Variants in PPIG observed in about 807,000 individuals in gnomAD.
The protein encoded by PPIG is peptidyl-prolyl cis-trans isomerase G.
In PPIG, 26 loss-of-function variants were observed where a neutral mutation model predicts 87.9. That is an observed-to-expected ratio of 0.30 (90% CI 0.22 to 0.41). PPIG has a LOEUF of 0.41. PPIG is among the 10% of genes least tolerant of loss of function. PPIG has a pLI of 1.00. For synonymous variants in PPIG, 308 were observed against 276.5 expected, an observed-to-expected ratio of 1.11 and a Z score of -1.13; for missense variants, 722 against 879.4, an observed-to-expected ratio of 0.82 and a Z score of 2.26.
At chr2:169,622,175 C>G (rs1054690772) in intron 9 of PPIG, among the ~76,000 whole-genome samples, 3 of 152,030 alleles carry the variant, frequency 2.0e-5, no homozygotes, top group Non-Finnish European at 4.4e-5. Context: ...AATCCCAACA[C>G]CTTGGGAGGC....
chr2:169,584,854 TTGA>T, intron 1 of PPIG: 1 of 275,966 alleles, frequency 3.6e-6, no homozygotes, highest in Non-Finnish European at 7.1e-6. Context: ...GGGAGCCGGG[TTGA>T]TTTTTAAAGC....
chr2:169,610,654 T>G (rs1037907013), intron 7 of PPIG, among the ~76,000 whole-genome samples: 1 of 152,214 alleles, frequency 6.6e-6, no homozygotes, highest in Non-Finnish European at 1.5e-5. Flanking sequence ...TTCCAGTTTA[T>G]CTTCCTGTAT....
At chr2:169,615,179 G>A (rs1041805092) in intron 9 of PPIG, among the ~76,000 whole-genome samples, 21 of 152,072 alleles carry the variant, frequency 1.4e-4, no homozygotes, top group African/African-American at 5.1e-4. Flanking sequence ...CTCCCAAGTA[G>A]CTGGGACTAC....
intron 6 of PPIG, 96 bp from the exon 7 acceptor site, chr2:169,608,575 G>A (rs917402321): frequency 1.6e-6 from 1 of 623,540 alleles, no homozygotes; most frequent in Non-Finnish European, 2.9e-6. Context: ...AGTTGTGTGT[G>A]GCACTAAATA....
intron 7 of PPIG, among the ~76,000 whole-genome samples, chr2:169,609,297 C>G (rs759356279): frequency 2.6e-5 from 4 of 151,936 alleles, no homozygotes; most frequent in African/African-American, 4.8e-5. Flanking sequence ...CAGCCTCGAC[C>G]TCCCTGGCTC....
At position 169,614,566 on chromosome 2, in the gene PPIG, T is replaced by A; in HGVS notation, c.408-19T>A. The A allele has an allele frequency of 6.3e-7, 1 of 1,582,972 alleles. No individual in the cohort carries two copies. The highest frequency in any genetic ancestry group is 8.5e-7 in the Non-Finnish European group (1 of 1,170,314). Reference sequence around the variant, plus strand: ...AAATAAAAAGCTTTTATTTAATAATTTTTTACTTGACACTTTAGGCATCAT... The same window carrying A: ...AAATAAAAAGCTTTTATTTAATAATATTTTACTTGACACTTTAGGCATCAT... On this transcript the variant is annotated intron_variant, in intron 8 of 13. Coordinates refer to ENST00000260970, the MANE Select transcript of PPIG (RefSeq NM_004792.3).
intron 1 of PPIG, chr2:169,584,772 C>G (rs1684651880): frequency 3.3e-6 from 1 of 307,172 alleles, no homozygotes; most frequent in East Asian, 1.3e-4. Flanking sequence ...CACTCAGGCG[C>G]ACACCTCCCT....
intron 9 of PPIG, among the ~76,000 whole-genome samples, chr2:169,621,891 A>G (rs1012892728): frequency 8.6e-5 from 13 of 151,588 alleles, no homozygotes; most frequent in African/African-American, 3.2e-4. Context: ...CAGGAGTTTC[A>G]GACCAGCCTG....
intron 1 of PPIG, among the ~76,000 whole-genome samples, chr2:169,587,515 C>A (rs1026618388): frequency 1.3e-5 from 2 of 152,136 alleles, no homozygotes; most frequent in African/African-American, 4.8e-5. Context: ...GCTAGTATTA[C>A]AGGCGTGAGC....
rs560328757 is a variant in PPIG, at chr2:169,625,026, A to G, written c.548-5748A>G. Among the ~76,000 whole-genome samples the G allele has an allele frequency of 9.8e-5, 15 of 152,348 alleles. 1 individual carries two copies. The highest frequency in any genetic ancestry group is 3.4e-4 in the African/African-American group (14 of 41,590). ...TACAGCGTGATGTTATGATACATGT[A>G]TACAATGCAGAATGATTAAATCAAG... On this transcript the variant is annotated intron_variant, in intron 9 of 13. Coordinates refer to ENST00000260970, the MANE Select transcript of PPIG (RefSeq NM_004792.3).
chr2:169,598,023 C>G (rs1336246238), intron 1 of PPIG, among the ~76,000 whole-genome samples: 1 of 144,880 alleles, frequency 6.9e-6, no homozygotes, highest in Middle Eastern at 3.5e-3. Context: ...TTTTTTGATA[C>G]AGGGTCCCAC....
intron 9 of PPIG, among the ~76,000 whole-genome samples, chr2:169,616,960 C>G (rs1052910911): frequency 1.3e-5 from 2 of 152,034 alleles, no homozygotes; most frequent in African/African-American, 4.8e-5. Flanking sequence ...AGGTTTTATT[C>G]TAGGGTTTTT....
At chr2:169,632,354 A>C (rs142142679) in intron 11 of PPIG, among the ~76,000 whole-genome samples, 239 of 152,358 alleles carry the variant, frequency 1.6e-3, no homozygotes, top group African/African-American at 5.4e-3. Context: ...TGTAATAAAA[A>C]TTGATGTCAT....
intron 5 of PPIG, 33 bp downstream of exon 5, chr2:169,606,179 G>A (rs749518888): frequency 1.4e-6 from 2 of 1,452,630 alleles, no homozygotes; most frequent in Admixed American, 3.4e-5. Flanking sequence ...ATTATTTTCT[G>A]TTAAATATCA....
chr2:169,628,328 G>A (rs960498921), intron 9 of PPIG, among the ~76,000 whole-genome samples: 4 of 152,146 alleles, frequency 2.6e-5, no homozygotes, highest in Non-Finnish European at 5.9e-5. Context: ...GTTCAGTGAA[G>A]CCATTACATC....
At position 169,593,650 on chromosome 2, in the gene PPIG, C is replaced by CTTTT. The variant is rs57902378; in HGVS notation, c.-70+9176_-70+9179dup. ...TTATGTTGCATATGCTGCTTTATAT[C>CTTTT]TTTTTTTTTTTTTTTTTTTGAGACG... On this transcript the variant is annotated intron_variant, in intron 1 of 13. Coordinates refer to ENST00000260970, the MANE Select transcript of PPIG (RefSeq NM_004792.3). Among the ~76,000 whole-genome samples the CTTTT allele has an allele frequency of 2.5e-3, 268 of 106,182 alleles. 8 individuals are homozygous for CTTTT. Among genetic ancestry groups the CTTTT allele is most frequent in the East Asian group, 8.0e-3 (26 of 3,242 alleles). The allele number at this position is 106,182 out of a possible 152,430, so 69.7% of individuals were successfully genotyped here. A position where few individuals can be genotyped will look rare whatever the true frequency, so the allele number is the denominator to read the frequency against.
intron 10 of PPIG, 108 bp downstream of exon 10, chr2:169,631,095 T>C (rs1159157670): frequency 6.8e-6 from 7 of 1,031,838 alleles, no homozygotes; most frequent in African/African-American, 1.6e-5. Flanking sequence ...GTGAGAAATA[T>C]AGCATGGAGC....
At chr2:169,595,811 T>G (rs1043067458) in intron 1 of PPIG, among the ~76,000 whole-genome samples, 1 of 152,220 alleles carries the variant, frequency 6.6e-6, no homozygotes, top group African/African-American at 2.4e-5. Flanking sequence ...TTGTTTTGTT[T>G]TTTGCTTTTG....
In PPIG at chr2:169,637,227, A is replaced by C. The variant is rs766996917; in HGVS notation, c.1969A>C (p.Asn657His). 6.2e-7 allele frequency: 1 copy of C among 1,613,468 alleles called. No homozygotes were observed. Among genetic ancestry groups the C allele is most frequent in the Admixed American group, 1.7e-5 (1 of 59,930 alleles). The change falls in exon 14 of 14, where the codon AAT (asparagine) becomes CAT (histidine). Residue 657 changes from asparagine to histidine, a missense_variant. Physicochemically the swap from Asn to His is moderately conservative, Grantham distance 68. Coordinates refer to ENST00000260970, the MANE Select transcript of PPIG (RefSeq NM_004792.3). ...QESKSSHRKE[N>H]SESEKRMYSK... ...GAGTAAGAGCTCACACAGAAAAGAA[A>C]ATTCTGAGAGTGAGAAAAGAATGTA...
Sources: gnomAD v4.1 joint callset for allele counts (sites outside exome capture counted in the v4.1 genomes callset) on GRCh38, gnomAD v4.1.1 for gene constraint, MANE v1.5 for transcripts, NCBI Gene and HGNC (gene_info 2026-07-23, HGNC 2026-07-21) for gene names.